The following PRKN variants were observed in gnomAD, a reference collection of about 807,000 sequenced individuals.
The protein encoded by PRKN is E3 ubiquitin-protein ligase parkin.
Under a neutral mutation model 59.5 loss-of-function variants are expected in PRKN, and 56 were observed. The ratio of observed to expected loss-of-function variants is 0.94; its 90% CI spans 0.76 to 1.18. The LOEUF is 1.18. Ranked by LOEUF, PRKN falls within the 50% of genes most tolerant of loss-of-function variation. The pLI is 0.00. For missense variants in PRKN, 657 were observed against 596.4 expected (o/e 1.10, Z -1.06); for synonymous variants, 250 against 222.1 (o/e 1.13, Z -1.12).
intron 6 of PRKN, among the ~76,000 whole-genome samples, chr6:161,906,427 T>G (rs924389589): frequency 2.6e-5 from 4 of 152,044 alleles, no homozygotes; most frequent in Admixed American, 1.3e-4. Context: ...GCAAGCTCTG[T>G]GCCTGGCACA....
intron 2 of PRKN, among the ~76,000 whole-genome samples, chr6:162,328,317 G>A (rs1358415670): frequency 6.6e-6 from 1 of 152,100 alleles, no homozygotes; most frequent in Non-Finnish European, 1.5e-5. Flanking sequence ...AGCGAGCCGA[G>A]ATCGCACCAC....
chr6:161,929,541 T>TC (rs1779093186), intron 6 of PRKN, among the ~76,000 whole-genome samples: 2 of 146,966 alleles, frequency 1.4e-5, no homozygotes, highest in African/African-American at 5.2e-5. Flanking sequence ...TTTTTTTTTT[T>TC]GAGACGGAGT....
At chr6:162,200,375 C>A (rs970116171) in intron 4 of PRKN, among the ~76,000 whole-genome samples, 1 of 152,060 alleles carries the variant, frequency 6.6e-6, no homozygotes, top group African/African-American at 2.4e-5. Context: ...TTGTAGGCCA[C>A]CCAGTCTGTT....
intron 4 of PRKN, among the ~76,000 whole-genome samples, chr6:162,110,247 A>C (rs1780367445): frequency 6.6e-6 from 1 of 152,186 alleles, no homozygotes; most frequent in African/African-American, 2.4e-5. Flanking sequence ...TATATGAATG[A>C]ACTCATTAAT....
intron 5 of PRKN, among the ~76,000 whole-genome samples, chr6:161,990,960 A>T (rs893331704): frequency 1.3e-5 from 2 of 152,226 alleles, no homozygotes; most frequent in African/African-American, 2.4e-5. Context: ...TTAGAGTCAG[A>T]CTGTTAAAAG....
Position 161,576,950 on chromosome 6 carries a change from T to C in PRKN, c.872-7534A>G, listed in dbSNP as rs899382174. 3.9e-5 allele frequency among the ~76,000 whole-genome samples: 6 copies of C among 152,188 alleles called. No homozygotes were observed. The highest frequency in any genetic ancestry group is 6.6e-5 in the Admixed American group (1 of 15,266). On this transcript the variant is annotated intron_variant, in intron 7 of 11. Coordinates refer to ENST00000366898, the MANE Select transcript of PRKN (RefSeq NM_004562.3). This position sits in a 1 kb window ranked among gnomAD's most constrained non-coding sequence, Gnocchi z 4.6. ...ATTTACAGAAAGTTTAGAGAATCTA[T>C]TAAACAATGTCGATGCACGCAAATA...
At chr6:162,368,485 G>A (rs538930559) in intron 2 of PRKN, among the ~76,000 whole-genome samples, 2 of 152,010 alleles carry the variant, frequency 1.3e-5, no homozygotes, top group African/African-American at 2.4e-5. Context: ...GACATGGAAG[G>A]TCATCCTTCT....
intron 1 of PRKN, among the ~76,000 whole-genome samples, chr6:162,702,751 T>C (rs1356204428): frequency 6.6e-6 from 1 of 152,192 alleles, no homozygotes; most frequent in Non-Finnish European, 1.5e-5. Context: ...ATGAAATGAA[T>C]AGTTTTAAAA....
At chr6:162,696,552 G>A (rs1166296198) in intron 1 of PRKN, among the ~76,000 whole-genome samples, 2 of 147,130 alleles carry the variant, frequency 1.4e-5, no homozygotes, top group Non-Finnish European at 3.0e-5. Flanking sequence ...ATTTGTGTCA[G>A]GAAAAACTTT....
At chr6:161,573,372 A>AAGT (rs1780968786) in intron 7 of PRKN, among the ~76,000 whole-genome samples, 1 of 152,116 alleles carries the variant, frequency 6.6e-6, no homozygotes, top group South Asian at 2.1e-4. Context: ...TATAAGCATA[A>AAGT]AGTATTTATA....
At chr6:161,826,867 A>C (rs949169496) in intron 6 of PRKN, among the ~76,000 whole-genome samples, 29 of 152,180 alleles carry the variant, frequency 1.9e-4, no homozygotes, top group Non-Finnish European at 1.5e-4. Context: ...AAACAGGAAG[A>C]CTTATGTTCT....
intron 3 of PRKN, among the ~76,000 whole-genome samples, chr6:162,233,211 C>G (rs1778498239): frequency 6.6e-6 from 1 of 152,076 alleles, no homozygotes; most frequent in Admixed American, 6.6e-5. Context: ...TCTCCAATAT[C>G]TATATGTAAA....
intron 9 of PRKN, among the ~76,000 whole-genome samples, chr6:161,509,816 G>T (rs1446795672): frequency 6.8e-6 from 1 of 148,058 alleles, no homozygotes; most frequent in East Asian, 2.0e-4. Context: ...GGAGGCAGAG[G>T]TTGCAGTGAG....
chr6:162,315,287 T>C (rs1308411625), intron 2 of PRKN, among the ~76,000 whole-genome samples: 1 of 152,194 alleles, frequency 6.6e-6, no homozygotes, highest in African/African-American at 2.4e-5. Flanking sequence ...CAACTAGTTA[T>C]TGAAGTGGCT....
intron 2 of PRKN, among the ~76,000 whole-genome samples, chr6:162,386,008 G>C (rs185890296): frequency 2.6e-5 from 4 of 152,090 alleles, no homozygotes; most frequent in African/African-American, 9.6e-5. Flanking sequence ...TTCTATAAAT[G>C]ACTAACCCGC....
At chr6:162,146,711 G>C (rs532621738) in intron 4 of PRKN, among the ~76,000 whole-genome samples, 1 of 152,004 alleles carries the variant, frequency 6.6e-6, no homozygotes, top group South Asian at 2.1e-4. Flanking sequence ...CACCATGTTG[G>C]CCAGGTTGGT....
At chr6:162,153,233 G>A (rs6922385) in intron 4 of PRKN, among the ~76,000 whole-genome samples, 3,488 of 152,272 alleles carry the variant, frequency 0.023, 147 homozygotes, top group African/African-American at 0.08. Flanking sequence ...CTGCTCCTTC[G>A]GCACCAGCAG....
chr6:161,916,812 T>G (rs1190415463), intron 6 of PRKN, among the ~76,000 whole-genome samples: 2 of 152,190 alleles, frequency 1.3e-5, no homozygotes, highest in Non-Finnish European at 2.9e-5. Context: ...CTTTTTCTTT[T>G]TTTTGAGGCG....
intron 1 of PRKN, among the ~76,000 whole-genome samples, chr6:162,689,927 G>T (rs1456366018): frequency 3.3e-5 from 5 of 152,012 alleles, no homozygotes; most frequent in Non-Finnish European, 7.4e-5. Context: ...GCCTATGTGG[G>T]GTGACCAATT....
Sources: allele counts gnomAD v4.1 joint callset (sites outside exome capture counted in the v4.1 genomes callset), GRCh38; gene constraint gnomAD v4.1.1; non-coding constraint Gnocchi (gnomAD v3.1); transcripts MANE v1.5; gene names NCBI Gene and HGNC (gene_info 2026-07-23, HGNC 2026-07-21).